Variants in CSN3 observed in about 807,000 individuals in gnomAD.
CSN3 encodes casein kappa.
In CSN3, 7 loss-of-function variants were observed where a neutral mutation model predicts 9.9. The ratio of observed to expected loss-of-function variants is 0.71; its 90% CI spans 0.40 to 1.33. The LOEUF is 1.33. Ranked by LOEUF, CSN3 falls within the 40% of genes most tolerant of loss-of-function variation. The pLI is 0.01. For missense variants in CSN3, 253 were observed against 227.9 expected, an observed-to-expected ratio of 1.11 and a Z score of -0.71; for synonymous variants, 88 against 82.3, an observed-to-expected ratio of 1.07 and a Z score of -0.37.
upstream of CSN3, among the ~76,000 whole-genome samples, chr4:70,240,982 T>A (rs1730260824): frequency 6.6e-6 from 1 of 152,034 alleles, no homozygotes; most frequent in Non-Finnish European, 1.5e-5. Context: ...CACTCTCAGA[T>A]GTTCTTAAAA....
chr4:70,247,891 C>CA (rs772368304), intron 3 of CSN3, 41 bp downstream of exon 3: 2 of 1,511,802 alleles, frequency 1.3e-6, no homozygotes, highest in South Asian at 2.5e-5. Context: ...GCATGAACTA[C>CA]AAAATATATT....
At chr4:70,250,917 G>T (rs1415266243) in intron 4 of CSN3, among the ~76,000 whole-genome samples, 1 of 152,118 alleles carries the variant, frequency 6.6e-6, no homozygotes, top group African/African-American at 2.4e-5. Flanking sequence ...TTAAGAAAAA[G>T]AGAACAAGAG....
At chr4:70,238,715 C>G (rs189889845), upstream of CSN3, among the ~76,000 whole-genome samples, 371 of 151,854 alleles carry the variant, frequency 2.4e-3, 2 homozygotes, top group Middle Eastern at 0.014. Context: ...CAACAAAGGT[C>G]AGATTAGAAA....
At chr4:70,242,744 T>C (rs1730298106) in intron 1 of CSN3, 79 bp downstream of exon 1, 1 of 152,098 alleles carries the variant, frequency 6.6e-6, no homozygotes, top group Non-Finnish European at 1.5e-5. Flanking sequence ...TATTTCAGAA[T>C]CACATTTTCT....
At chr4:70,238,484 T>C (rs1462075924), upstream of CSN3, among the ~76,000 whole-genome samples, 1 of 151,858 alleles carries the variant, frequency 6.6e-6, no homozygotes, top group Non-Finnish European at 1.5e-5. Flanking sequence ...GACCAAATTA[T>C]TTAGAAACAG....
chr4:70,244,363 T>C (rs1294614285), intron 1 of CSN3, among the ~76,000 whole-genome samples: 1 of 152,100 alleles, frequency 6.6e-6, no homozygotes, highest in East Asian at 1.9e-4. Flanking sequence ...AAATACTGCA[T>C]AGGCAAGCCT....
At position 70,244,863 on chromosome 4, in the gene CSN3, T is replaced by G. The variant is rs375124537; in HGVS notation, c.44T>G (p.Leu15Arg). 2.1e-5 allele frequency: 33 copies of G among 1,568,414 alleles called. No homozygotes were observed. The African/African-American group carries it at 3.9e-4, about 19-fold the overall frequency. ...GTTGTCAATGCCCTGGCATTAACCC[T>G]GCCTTTTTTGGTAAGTTAATTTCAT... is the stretch of plus-strand genomic sequence containing the variant. The change falls in exon 2 of 5, where the codon CTG becomes CGG. Residue 15 changes from leucine to arginine, a missense_variant. By Grantham distance (102) the Leu-to-Arg change is moderately radical. Coordinates refer to ENST00000304954, the Ensembl canonical transcript of CSN3.
At chr4:70,246,597 G>A (rs1730381509) in intron 2 of CSN3, among the ~76,000 whole-genome samples, 1 of 151,382 alleles carries the variant, frequency 6.6e-6, no homozygotes, top group African/African-American at 2.4e-5. Flanking sequence ...ACATAACATA[G>A]GTTGATATCG....
chr4:70,250,815 C>T (rs1730468672), intron 4 of CSN3, among the ~76,000 whole-genome samples: 1 of 152,064 alleles, frequency 6.6e-6, no homozygotes, highest in Non-Finnish European at 1.5e-5. Context: ...GGCTGTCTAA[C>T]TTGCTGAAAA....
upstream of CSN3, among the ~76,000 whole-genome samples, chr4:70,242,094 G>A (rs1247099822): frequency 1.3e-5 from 2 of 151,826 alleles, no homozygotes; most frequent in African/African-American, 2.4e-5. Flanking sequence ...AAGTATTGTG[G>A]CTATTTTTCA....
intron 1 of CSN3, among the ~76,000 whole-genome samples, 174 bp downstream of exon 1, chr4:70,242,839 T>A (rs551535394): frequency 1.9e-4 from 29 of 152,220 alleles, no homozygotes; most frequent in Non-Finnish European, 3.1e-4. Context: ...CTGGATGGTG[T>A]TATGTTCAAA....
upstream of CSN3, among the ~76,000 whole-genome samples, chr4:70,239,672 C>T (rs1415678284): frequency 2.6e-5 from 4 of 151,880 alleles, no homozygotes; most frequent in African/African-American, 7.2e-5. Context: ...GCACTATCTC[C>T]TTAGATAATC....
At chr4:70,239,063 T>C (rs1730224264), upstream of CSN3, among the ~76,000 whole-genome samples, 1 of 151,818 alleles carries the variant, frequency 6.6e-6, no homozygotes, top group African/African-American at 2.4e-5. Context: ...TTACAGGAAT[T>C]GAGTACATTA....
upstream of CSN3, among the ~76,000 whole-genome samples, chr4:70,240,474 G>A (rs756932968): frequency 6.6e-6 from 1 of 151,922 alleles, no homozygotes; most frequent in Admixed American, 6.6e-5. Flanking sequence ...TGGTGGATTC[G>A]TTCCAGGTTA....
intron 1 of CSN3, chr4:70,243,273 T>C: frequency 4.1e-6 from 2 of 492,488 alleles, no homozygotes; most frequent in Non-Finnish European, 5.3e-6. Flanking sequence ...TTTGTTTACA[T>C]ATCATTTTAC....
chr4:70,250,660 C>G (rs1177536332), intron 4 of CSN3, among the ~76,000 whole-genome samples: 5 of 152,012 alleles, frequency 3.3e-5, no homozygotes, highest in Admixed American at 3.3e-4. Flanking sequence ...AGATATTATT[C>G]CTATCTCAAA....
intron 2 of CSN3, among the ~76,000 whole-genome samples, chr4:70,246,606 C>T (rs1431999861): frequency 1.3e-5 from 2 of 151,326 alleles, no homozygotes; most frequent in Non-Finnish European, 2.9e-5. Flanking sequence ...AGGTTGATAT[C>T]GCATTAAGGT....
chr4:70,247,863 T>A lies in CSN3; in HGVS notation c.87+13T>A. The A allele has an allele frequency of 6.3e-7, 1 of 1,591,824 alleles. No homozygotes were observed. The highest frequency in any genetic ancestry group is 8.6e-7 in the Non-Finnish European group (1 of 1,169,464). On this transcript the variant is annotated intron_variant, in intron 3 of 4. Coordinates refer to ENST00000304954, the Ensembl canonical transcript of CSN3. ...GAAACAACCAGCAGTAAGTCTATTT[T>A]AATTACTTCTGTTACAGGCATGAAC...
At chr4:70,249,450 T>A in exon 4 of CSN3, 1 of 1,611,348 alleles carries the variant, frequency 6.2e-7, no homozygotes, top group Non-Finnish European at 8.5e-7. Flanking sequence ...TTACTCCACC[T>A]ACGGCATAAA....
Sources: gnomAD v4.1 joint callset for allele counts (sites outside exome capture counted in the v4.1 genomes callset) on GRCh38, gnomAD v4.1.1 for gene constraint, MANE v1.5 for transcripts, NCBI Gene and HGNC (gene_info 2026-07-23, HGNC 2026-07-21) for gene names.